The following AGBL4 variants were observed in gnomAD, a reference collection of about 807,000 sequenced individuals.
AGBL4 encodes the protein cytosolic carboxypeptidase 6.
A neutral mutation model predicts 66.4 loss-of-function variants in AGBL4; 58 were observed. The observed-to-expected ratio is 0.87, with a 90% confidence interval of 0.71 to 1.09. AGBL4 has a LOEUF of 1.09. AGBL4 is among the 50% of genes least tolerant of loss of function. The pLI, the probability that AGBL4 is intolerant of heterozygous loss-of-function variation, is 0.00. For synonymous variants in AGBL4, 234 were observed against 222.9 expected, an observed-to-expected ratio of 1.05 and a Z score of -0.44; for missense variants, 579 against 631.0, an observed-to-expected ratio of 0.92 and a Z score of 0.88.
In AGBL4 at chr1:49,007,973, C is replaced by T. The variant is rs1027986278; in HGVS notation, c.594+37611G>A. Among the ~76,000 whole-genome samples, 525 of 152,050 alleles carry T rather than the reference C, an allele frequency of 3.5e-3. 3 individuals carry two copies. Among genetic ancestry groups the T allele is most frequent in the African/African-American group, 0.011 (471 of 41,488 alleles). Reference sequence around the variant, plus strand: ...ACTAGGAAGAAACTGCATCAACTAACGAGCAAAATAACCAGCTAACATCAT... The same window carrying T: ...ACTAGGAAGAAACTGCATCAACTAATGAGCAAAATAACCAGCTAACATCAT... On this transcript the variant is annotated intron_variant, in intron 5 of 13. Transcript: ENST00000371839.
At chr1:49,073,564 G>T (rs998449870) in intron 4 of AGBL4, among the ~76,000 whole-genome samples, 3 of 152,136 alleles carry the variant, frequency 2.0e-5, no homozygotes, top group African/African-American at 7.2e-5. Context: ...TGTTTGCCTG[G>T]GTATCACCAG....
At chr1:48,918,928 A>G (rs745582914) in intron 5 of AGBL4, among the ~76,000 whole-genome samples, 1 of 152,140 alleles carries the variant, frequency 6.6e-6, no homozygotes, top group Non-Finnish European at 1.5e-5. Context: ...TATCTCCCCA[A>G]GTCCCCTTCT....
intron 5 of AGBL4, among the ~76,000 whole-genome samples, chr1:48,942,695 T>A (rs971040021): frequency 3.3e-5 from 5 of 152,134 alleles, no homozygotes; most frequent in Non-Finnish European, 7.3e-5. Context: ...GATGGGTAGA[T>A]AAAGGGTAGG....
chr1:49,818,543 T>C (rs983341764), intron 2 of AGBL4, among the ~76,000 whole-genome samples: 2 of 152,024 alleles, frequency 1.3e-5, no homozygotes, highest in Admixed American at 1.3e-4. Context: ...TTTTTTAAAA[T>C]TTTTGTAGAG....
chr1:49,732,017 C>A (rs1035175906), intron 2 of AGBL4, among the ~76,000 whole-genome samples: 1 of 152,166 alleles, frequency 6.6e-6, no homozygotes, highest in Non-Finnish European at 1.5e-5. Context: ...TAAGGCAGGC[C>A]ATAAGGACCT....
At chr1:49,273,382 G>T (rs1644101526) in intron 3 of AGBL4, among the ~76,000 whole-genome samples, 1 of 150,912 alleles carries the variant, frequency 6.6e-6, no homozygotes, top group Admixed American at 6.6e-5. Flanking sequence ...TTTTATAAAA[G>T]AATATAAACG....
chr1:48,995,012 G>A (rs539074836), intron 5 of AGBL4, among the ~76,000 whole-genome samples: 12 of 152,152 alleles, frequency 7.9e-5, no homozygotes, highest in Non-Finnish European at 1.3e-4. Flanking sequence ...GACAAATCAC[G>A]AAATTTGTTT....
chr1:48,843,782 T>G (rs933327216), intron 6 of AGBL4, among the ~76,000 whole-genome samples: 3 of 151,600 alleles, frequency 2.0e-5, no homozygotes, highest in Non-Finnish European at 4.4e-5. Flanking sequence ...CTGAGAGAGG[T>G]GAAATACTTG....
At chr1:48,625,372 C>T (rs1645486845) in intron 9 of AGBL4, among the ~76,000 whole-genome samples, 2 of 152,024 alleles carry the variant, frequency 1.3e-5, no homozygotes, top group South Asian at 4.1e-4. Flanking sequence ...CTCCCTCTCT[C>T]CTAACACACA....
At chr1:49,183,708 T>A (rs1569974569) in intron 4 of AGBL4, among the ~76,000 whole-genome samples, 1 of 152,222 alleles carries the variant, frequency 6.6e-6, no homozygotes, top group Non-Finnish European at 1.5e-5. Context: ...CTTGTGGTTT[T>A]CTGAATCTTT....
intron 1 of AGBL4, among the ~76,000 whole-genome samples, chr1:49,933,238 T>C (rs1389831977): frequency 6.6e-6 from 1 of 152,096 alleles, no homozygotes; most frequent in African/African-American, 2.4e-5. Context: ...AGGAGAAATA[T>C]TGCACATCAG....
intron 6 of AGBL4, among the ~76,000 whole-genome samples, chr1:48,850,176 G>A (rs564513655): frequency 6.6e-6 from 1 of 152,264 alleles, no homozygotes; most frequent in African/African-American, 2.4e-5. Context: ...AGAACAAATG[G>A]AGGATTTTAC....
intron 3 of AGBL4, among the ~76,000 whole-genome samples, chr1:49,471,071 A>T (rs914607129): frequency 1.3e-5 from 2 of 152,040 alleles, no homozygotes; most frequent in Non-Finnish European, 2.9e-5. Flanking sequence ...AATATCTTTG[A>T]AAAATCTCAG....
intron 3 of AGBL4, among the ~76,000 whole-genome samples, chr1:49,662,313 G>T (rs1646285728): frequency 6.6e-6 from 1 of 151,702 alleles, no homozygotes; most frequent in Non-Finnish European, 1.5e-5. Flanking sequence ...AATGGAAAGT[G>T]AAATATTTGG....
chr1:49,648,347 C>T (rs1298517603), intron 3 of AGBL4, among the ~76,000 whole-genome samples: 3 of 148,928 alleles, frequency 2.0e-5, no homozygotes, highest in African/African-American at 7.4e-5. Context: ...AAAAAAAAAC[C>T]AAGAACAGAA....
intron 3 of AGBL4, among the ~76,000 whole-genome samples, chr1:49,298,596 C>T (rs923749505): frequency 1.3e-5 from 2 of 152,094 alleles, no homozygotes; most frequent in Admixed American, 1.3e-4. Context: ...TCCCAGTGGC[C>T]CTGGATCATT....
At chr1:49,935,516 C>T (rs535413270) in intron 1 of AGBL4, among the ~76,000 whole-genome samples, 278 of 152,266 alleles carry the variant, frequency 1.8e-3, no homozygotes, top group African/African-American at 5.7e-3. Context: ...GATCTGAGAA[C>T]GGGCAGACTA....
the AGBL4 span, among the ~76,000 whole-genome samples, chr1:48,526,757 G>A: frequency 6.6e-6 from 1 of 151,762 alleles, no homozygotes; most frequent in African/African-American, 2.4e-5. Context: ...AATAGCAACA[G>A]CAGAAGTAGT....
At chr1:48,909,387 A>G (rs1297483993) in intron 5 of AGBL4, among the ~76,000 whole-genome samples, 1 of 152,194 alleles carries the variant, frequency 6.6e-6, no homozygotes, top group Non-Finnish European at 1.5e-5. Context: ...GTACCTCCAT[A>G]GCTAAGGCAG....
Sources: gnomAD v4.1 joint callset for allele counts (sites outside exome capture counted in the v4.1 genomes callset) on GRCh38, gnomAD v4.1.1 for gene constraint, MANE v1.5 for transcripts, NCBI Gene and HGNC (gene_info 2026-07-23, HGNC 2026-07-21) for gene names.